The following DCC variants were observed in gnomAD, a reference collection of about 807,000 sequenced individuals.
DCC encodes the protein netrin receptor DCC.
A neutral mutation model predicts 172.5 loss-of-function variants in DCC; 58 were observed. That is an observed-to-expected ratio of 0.34 (90% CI 0.27 to 0.42). DCC has a LOEUF of 0.42. DCC is among the 10% of genes least tolerant of loss of function. The pLI is 1.00. For missense variants in DCC, 1,740 were observed against 1,791.0 expected (o/e 0.97, Z 0.51); for synonymous variants, 709 against 644.5 (o/e 1.10, Z -1.52).
intron 2 of DCC, among the ~76,000 whole-genome samples, chr18:52,795,486 G>C (rs62083274): frequency 0.025 from 3,806 of 151,902 alleles, 67 homozygotes; most frequent in Middle Eastern, 0.078. Flanking sequence ...TCTAACTTAT[G>C]TGGGTCTTCT....
intron 1 of DCC, among the ~76,000 whole-genome samples, chr18:52,397,625 A>C (rs1194593152): frequency 6.6e-6 from 1 of 151,952 alleles, no homozygotes; most frequent in Non-Finnish European, 1.5e-5. Flanking sequence ...TTGGGGATCT[A>C]ACTTTGACTC....
At chr18:52,659,799 C>T (rs1284622359) in intron 1 of DCC, among the ~76,000 whole-genome samples, 1 of 151,626 alleles carries the variant, frequency 6.6e-6, no homozygotes, top group Non-Finnish European at 1.5e-5. Flanking sequence ...GGTGATGGCC[C>T]AAGCCTTGCA....
intron 7 of DCC, among the ~76,000 whole-genome samples, chr18:53,084,059 A>G (rs1174148280): frequency 6.6e-6 from 1 of 152,154 alleles, no homozygotes; most frequent in Admixed American, 6.5e-5. Context: ...TGGGTAATTT[A>G]TTTTTAAAAA....
At chr18:52,417,304 G>A (rs374471348) in intron 1 of DCC, among the ~76,000 whole-genome samples, 33 of 152,136 alleles carry the variant, frequency 2.2e-4, no homozygotes, top group Non-Finnish European at 3.4e-4. Context: ...TGCCCTTAAC[G>A]TTTTTTCCTT....
chr18:52,758,408 T>C (rs4522501), intron 2 of DCC, among the ~76,000 whole-genome samples: 10,042 of 152,270 alleles, frequency 0.066, 427 homozygotes, highest in South Asian at 0.11. Context: ...CATATTTTTT[T>C]CTTCCCTATT....
At chr18:53,283,498 T>G (rs889285041) in intron 12 of DCC, among the ~76,000 whole-genome samples, 1 of 152,156 alleles carries the variant, frequency 6.6e-6, no homozygotes, top group African/African-American at 2.4e-5. Context: ...TTCATAATAT[T>G]TCAATGTAAT....
At chr18:53,123,570 A>T (rs2043513710) in intron 7 of DCC, among the ~76,000 whole-genome samples, 1 of 152,032 alleles carries the variant, frequency 6.6e-6, no homozygotes, top group Admixed American at 6.6e-5. Flanking sequence ...ATTCCTCTTG[A>T]AATAATTTAA....
intron 1 of DCC, among the ~76,000 whole-genome samples, chr18:52,645,969 T>G (rs2035010332): frequency 6.6e-6 from 1 of 152,204 alleles, no homozygotes; most frequent in African/African-American, 2.4e-5. Flanking sequence ...TACTTTCAGA[T>G]TTTTGCAAGC....
At chr18:52,867,479 G>A (rs2039246483) in intron 2 of DCC, among the ~76,000 whole-genome samples, 1 of 151,268 alleles carries the variant, frequency 6.6e-6, no homozygotes. Context: ...TTTACCTCTG[G>A]TAGAATTTGG....
intron 1 of DCC, among the ~76,000 whole-genome samples, chr18:52,350,454 A>G (rs1984069838): frequency 6.6e-6 from 1 of 152,078 alleles, no homozygotes; most frequent in Admixed American, 6.6e-5. Context: ...GTTCTCACTC[A>G]TAAGTGGGAG....
intron 1 of DCC, among the ~76,000 whole-genome samples, chr18:52,389,451 A>C: frequency 6.6e-6 from 1 of 152,240 alleles, no homozygotes. Flanking sequence ...TTAATAACGC[A>C]GTAGGTGGAG....
At chr18:53,279,730 T>C (rs1165843566) in intron 12 of DCC, among the ~76,000 whole-genome samples, 1 of 150,362 alleles carries the variant, frequency 6.7e-6, no homozygotes, top group Non-Finnish European at 1.5e-5. Flanking sequence ...ATGATACATA[T>C]ACACCATGGA....
chr18:52,660,250 C>G (rs1386396777), intron 1 of DCC, among the ~76,000 whole-genome samples: 1 of 152,080 alleles, frequency 6.6e-6, no homozygotes, highest in Admixed American at 6.6e-5. Flanking sequence ...TAATTATTTG[C>G]CTGACAGCAA....
In DCC at chr18:52,887,298, C is replaced by A. The variant is rs539676578; in HGVS notation, c.413-18746C>A. On this transcript the variant is annotated intron_variant, in intron 2 of 28. Coordinates refer to ENST00000442544, the MANE Select transcript of DCC (RefSeq NM_005215.4). ...ACCTCTTCTAGCATTTAGAAACAATCATCAATGGTTTTTTTTTTTTAAACT... is the reference window on the plus strand; with the variant it reads ...ACCTCTTCTAGCATTTAGAAACAATAATCAATGGTTTTTTTTTTTTAAACT... 2.0e-4 allele frequency among the ~76,000 whole-genome samples: 31 copies of A among 151,892 alleles called. 1 individual carries two copies. The highest frequency in any genetic ancestry group is 7.3e-4 in the African/African-American group (30 of 41,338).
chr18:52,686,113 A>G (rs550708935), intron 1 of DCC, among the ~76,000 whole-genome samples: 3 of 152,212 alleles, frequency 2.0e-5, no homozygotes, highest in East Asian at 3.9e-4. Context: ...AATCTTAGGA[A>G]TTCTACTTCT....
At chr18:52,393,464 A>AATCTCTATATTATTTATATTTTC (rs1262809638) in intron 1 of DCC, among the ~76,000 whole-genome samples, 2 of 152,034 alleles carry the variant, frequency 1.3e-5, no homozygotes, top group Non-Finnish European at 2.9e-5. Flanking sequence ...TCCATATTTT[A>AATCTCTATATTATTTATATTTTC]ATCTCTATAT....
chr18:52,936,001 T>C (rs569395383), intron 5 of DCC, among the ~76,000 whole-genome samples: 2 of 152,096 alleles, frequency 1.3e-5, no homozygotes, highest in Non-Finnish European at 2.9e-5. Flanking sequence ...ACGTTTGTAT[T>C]GATTATCCTC....
At chr18:53,300,702 A>G (rs2057122968) in intron 12 of DCC, among the ~76,000 whole-genome samples, 1 of 152,184 alleles carries the variant, frequency 6.6e-6, no homozygotes, top group African/African-American at 2.4e-5. Flanking sequence ...AGTATTCTCA[A>G]ATTCAGTGCT....
At chr18:53,236,281 A>G (rs1017405578) in intron 12 of DCC, among the ~76,000 whole-genome samples, 1 of 152,178 alleles carries the variant, frequency 6.6e-6, no homozygotes, top group African/African-American at 2.4e-5. Context: ...ATAGGTATAC[A>G]GTTACATCAC....
Sources: allele counts gnomAD v4.1 joint callset (sites outside exome capture counted in the v4.1 genomes callset), GRCh38; gene constraint gnomAD v4.1.1; transcripts MANE v1.5; gene names NCBI Gene and HGNC (gene_info 2026-07-23, HGNC 2026-07-21).